Variants in JAKMIP3 observed in about 807,000 individuals in gnomAD.
JAKMIP3 encodes the protein janus kinase and microtubule-interacting protein 3.
Under a neutral mutation model 118.5 loss-of-function variants are expected in JAKMIP3, and 58 were observed. The ratio of observed to expected loss-of-function variants is 0.49; its 90% CI spans 0.40 to 0.61. The LOEUF (loss-of-function observed/expected upper bound fraction) is 0.61, where lower values mean the gene tolerates loss of function less well. Among genes scored for constraint, JAKMIP3 ranks in the 20% least tolerant of loss-of-function variants. The probability of loss-of-function intolerance (pLI) is 0.00; values close to 1 mark genes in which losing one functional copy is unlikely to be tolerated. For synonymous variants in JAKMIP3, 486 were observed against 451.2 expected (o/e 1.08, Z -0.98); for missense variants, 950 against 1,109.0 (o/e 0.86, Z 2.04).
intron 1 of JAKMIP3, among the ~76,000 whole-genome samples, chr10:132,073,880 T>C (rs1168718977): frequency 3.3e-5 from 5 of 152,204 alleles, no homozygotes; most frequent in Admixed American, 6.5e-5. Flanking sequence ...TCCTGTTGGG[T>C]AGATACCCAA....
At position 132,049,855 on chromosome 10, in the gene JAKMIP3, G is replaced by C. The variant is rs914124590; in HGVS notation, c.-138+13117G>C. On this transcript the variant is annotated intron_variant, in intron 1 of 23. Transcript: ENST00000657785. The surrounding 1 kb of genome is among the most constrained non-coding windows in gnomAD (Gnocchi z 4.3). ...CTGATTTTCTTCCATAGTCTTCTGT[G>C]ACGTTTTTGTTTTGGCTATTTTTGA... 2.0e-5 allele frequency among the ~76,000 whole-genome samples: 3 copies of C among 152,120 alleles called. No individual in the cohort carries two copies. The highest frequency in any genetic ancestry group is 7.2e-5 in the African/African-American group (3 of 41,438).
chr10:132,073,560 G>C (rs1379542564), intron 1 of JAKMIP3, among the ~76,000 whole-genome samples: 3 of 148,576 alleles, frequency 2.0e-5, no homozygotes, highest in Non-Finnish European at 4.4e-5. Context: ...GCAGTGATGC[G>C]ATCTCAGCTC....
At chr10:132,053,868 A>C (rs1420363995) in intron 1 of JAKMIP3, among the ~76,000 whole-genome samples, 1 of 151,874 alleles carries the variant, frequency 6.6e-6, no homozygotes, top group African/African-American at 2.4e-5. Flanking sequence ...CCCTGTCTCT[A>C]CTAAAAATAC....
chr10:132,155,582 G>A, intron 19 of JAKMIP3, among the ~76,000 whole-genome samples: 1 of 152,238 alleles, frequency 6.6e-6, no homozygotes, highest in East Asian at 1.9e-4. Flanking sequence ...GTGGAAGCCA[G>A]TGTGTGAGCC....
Position 132,184,797 on chromosome 10 carries a change from G to A in JAKMIP3, c.*3544G>A, listed in dbSNP as rs1227705468. On this transcript the variant is annotated 3_prime_UTR_variant, in exon 24 of 24. Coordinates refer to ENST00000684848, the MANE Select transcript of JAKMIP3 (RefSeq NM_001323087.2). ...TTATTGTACAGTTTTAATAAAAAATGTTTTAAATCTTAGACGATTAAAGTC... is the reference window on the plus strand; with the variant it reads ...TTATTGTACAGTTTTAATAAAAAATATTTTAAATCTTAGACGATTAAAGTC... The A allele has an allele frequency of 6.6e-6, 1 of 152,192 alleles. No homozygotes were observed. Among genetic ancestry groups the A allele is most frequent in the Non-Finnish European group, 1.5e-5 (1 of 68,026 alleles). The allele number at this position is 152,192 out of a possible 1,614,324, so 9.4% of individuals were successfully genotyped here.
intron 19 of JAKMIP3, among the ~76,000 whole-genome samples, chr10:132,159,743 T>TG (rs1199556461): frequency 1.9e-5 from 1 of 52,546 alleles, no homozygotes; most frequent in African/African-American, 8.4e-5. Context: ...TGTGTGATAC[T>TG]GGGGGGGCCT....
At chr10:132,106,705 G>T (rs1205468259) in intron 2 of JAKMIP3, among the ~76,000 whole-genome samples, 1 of 152,200 alleles carries the variant, frequency 6.6e-6, no homozygotes, top group Admixed American at 6.5e-5. Context: ...ACAAGGTCAG[G>T]GTGCTAATGC....
In JAKMIP3 at chr10:132,179,987, C is replaced by T. The variant is rs372900723; in HGVS notation, c.*1104-2370C>T. ...GCCCCATATATGCAGTGTTTCTGCT[C>T]GGGAAATTCCAGCTAAGACCCAAAA... On this transcript the variant is annotated intron_variant, in intron 23 of 23. Coordinates refer to ENST00000684848, the MANE Select transcript of JAKMIP3 (RefSeq NM_001323087.2). The surrounding 1 kb of genome is among the most constrained non-coding windows in gnomAD (Gnocchi z 4.3). Among the ~76,000 whole-genome samples the T allele has an allele frequency of 9.4e-4, 143 of 152,258 alleles. 2 individuals are homozygous for T. The South Asian group carries it at 0.028, about 30-fold the overall frequency.
chr10:132,153,166 A>T, intron 17 of JAKMIP3, 143 bp downstream of exon 17: 1 of 655,616 alleles, frequency 1.5e-6, no homozygotes, highest in Non-Finnish European at 2.7e-6. Context: ...GCCCTGGGAG[A>T]TCTGACACAC....
At chr10:132,043,154 C>T (rs1396214738) in intron 1 of JAKMIP3, among the ~76,000 whole-genome samples, 1 of 152,126 alleles carries the variant, frequency 6.6e-6, no homozygotes, top group Non-Finnish European at 1.5e-5. Flanking sequence ...CTGAATGTGG[C>T]TGTGTTTTGT....
chr10:132,045,220 C>T (rs1028840802), intron 1 of JAKMIP3, among the ~76,000 whole-genome samples: 4 of 152,188 alleles, frequency 2.6e-5, no homozygotes, highest in Non-Finnish European at 5.9e-5. Flanking sequence ...GCCATCCTCA[C>T]GGGTGAGCAG....
intron 15 of JAKMIP3, 55 bp downstream of exon 15, chr10:132,149,565 A>ACCC: frequency 4.8e-6 from 2 of 415,336 alleles, no homozygotes; most frequent in Non-Finnish European, 3.3e-6. Context: ...CCCCCGCCCC[A>ACCC]CCCCCTCTCC....
At chr10:132,050,724 C>G (rs377164530) in intron 1 of JAKMIP3, among the ~76,000 whole-genome samples, 1 of 152,198 alleles carries the variant, frequency 6.6e-6, no homozygotes, top group African/African-American at 2.4e-5. Flanking sequence ...TTGTGGAGAA[C>G]CTTCTAGGGG....
chr10:132,066,082 T>C (rs1395276943), intron 1 of JAKMIP3, among the ~76,000 whole-genome samples, 21 bp downstream of exon 1: 1 of 152,206 alleles, frequency 6.6e-6, no homozygotes, highest in East Asian at 1.9e-4. Flanking sequence ...ATTTTCTGAC[T>C]GCTGCAGAGG....
intron 1 of JAKMIP3, among the ~76,000 whole-genome samples, chr10:132,046,769 G>T (rs2037930762): frequency 6.6e-6 from 1 of 152,230 alleles, no homozygotes. Context: ...CTAAGAGGAA[G>T]AAGCTGAGGC....
At chr10:132,079,230 T>C (rs1589763224) in intron 1 of JAKMIP3, among the ~76,000 whole-genome samples, 1 of 144,014 alleles carries the variant, frequency 6.9e-6, no homozygotes, top group East Asian at 1.9e-4. Context: ...ATTTGTTTTC[T>C]CTTGCTGCCA....
At chr10:132,130,976 C>T (rs566533029) in intron 3 of JAKMIP3, among the ~76,000 whole-genome samples, 7 of 148,896 alleles carry the variant, frequency 4.7e-5, no homozygotes, top group South Asian at 2.2e-4. Context: ...AGACACTGTG[C>T]GGGGCATGCT....
intron 1 of JAKMIP3, among the ~76,000 whole-genome samples, chr10:132,093,099 C>T (rs2043307118): frequency 6.6e-6 from 1 of 152,188 alleles, no homozygotes; most frequent in Non-Finnish European, 1.5e-5. Context: ...TGCTGAACAG[C>T]AAATATTGCT....
chr10:132,138,811 C>G (rs1028749673), intron 9 of JAKMIP3, among the ~76,000 whole-genome samples: 1 of 152,212 alleles, frequency 6.6e-6, no homozygotes, highest in African/African-American at 2.4e-5. Context: ...CTCACCCATC[C>G]TGGCTGTGCC....
Sources: gnomAD v4.1 joint callset for allele counts (sites outside exome capture counted in the v4.1 genomes callset) on GRCh38, gnomAD v4.1.1 for gene constraint, Gnocchi (gnomAD v3.1) non-coding constraint, MANE v1.5 for transcripts, NCBI Gene and HGNC (gene_info 2026-07-23, HGNC 2026-07-21) for gene names.